Variants in PUM1 observed in about 807,000 individuals in gnomAD.
The protein encoded by PUM1 is pumilio homolog 1.
In PUM1, 13 loss-of-function variants were observed where a neutral mutation model predicts 131.8. The observed-to-expected ratio is 0.10, with a 90% CI of 0.06 to 0.16. The LOEUF (loss-of-function observed/expected upper bound fraction) is 0.16. PUM1 is among the 10% of genes least tolerant of loss of function. The probability of loss-of-function intolerance (pLI) is 1.00; values close to 1 mark genes in which losing one functional copy is unlikely to be tolerated. For synonymous variants in PUM1, 509 were observed against 556.5 expected (o/e 0.91, Z 1.20); for missense variants, 961 against 1,512.4 (o/e 0.64, Z 6.05).
In PUM1 at chr1:31,061,137, A is replaced by T. The variant is rs533326495; in HGVS notation, c.-11-1560T>A. 7.5e-4 allele frequency among the ~76,000 whole-genome samples: 114 copies of T among 152,172 alleles called. No homozygotes were observed. The Middle Eastern group carries it at 0.01, about 14-fold the overall frequency. ...CTATAAACAGGATGAGACCAAACCA[A>T]ATTTAAACACTTCATATTAGTGTAG... On this transcript the variant is annotated intron_variant, in intron 1 of 21. Transcript: ENST00000426105.
Position 31,056,374 on chromosome 1 carries a change from G to A in PUM1, c.363+2830C>T, listed in dbSNP as rs527567459. Among the ~76,000 whole-genome samples the A allele has an allele frequency of 7.1e-3, 1,074 of 151,740 alleles. 4 individuals carry two copies. The highest frequency in any genetic ancestry group is 0.017 in the Middle Eastern group (5 of 294). On this transcript the variant is annotated intron_variant, in intron 2 of 21. Transcript: ENST00000426105. Reference sequence around the variant, plus strand: ...CTGCTCACTGCAACCTCCACCTCCCGGGTTCAAGCGATTCTCCTGCCTCAG... The same window carrying A: ...CTGCTCACTGCAACCTCCACCTCCCAGGTTCAAGCGATTCTCCTGCCTCAG...
At chr1:31,059,005 T>G (rs1391500604) in intron 2 of PUM1, among the ~76,000 whole-genome samples, 199 bp downstream of exon 2, 3 of 151,916 alleles carry the variant, frequency 2.0e-5, no homozygotes, top group African/African-American at 4.8e-5. Context: ...ATGAATGAAT[T>G]GGCTATTTAC....
intron 2 of PUM1, among the ~76,000 whole-genome samples, chr1:31,058,863 A>G (rs979888068): frequency 2.7e-5 from 4 of 147,870 alleles, no homozygotes; most frequent in Middle Eastern, 3.7e-3. Flanking sequence ...CCAGCTACTC[A>G]GGAGGCTGAG....
At chr1:30,972,267 A>G (rs762438637) in intron 10 of PUM1, among the ~76,000 whole-genome samples, 11 of 4,918 alleles carry the variant, frequency 2.2e-3, no homozygotes, top group East Asian at 8.1e-3. Flanking sequence ...AGAAAAGAAA[A>G]GAAGGGAAGG....
chr1:30,985,495 A>G (rs1230176788), intron 7 of PUM1, among the ~76,000 whole-genome samples: 2 of 152,060 alleles, frequency 1.3e-5, no homozygotes, highest in Non-Finnish European at 2.9e-5. Context: ...TCTAATAAAA[A>G]TACAAAATTA....
chr1:30,955,074 AAAAC>A (rs764763790), intron 14 of PUM1, among the ~76,000 whole-genome samples: 81 of 152,022 alleles, frequency 5.3e-4, no homozygotes, highest in South Asian at 8.3e-4. Flanking sequence ...GTCTCCAAAA[AAAAC>A]AAACAAACAA....
intron 18 of PUM1, among the ~76,000 whole-genome samples, chr1:30,943,176 G>A (rs1324166158): frequency 6.6e-6 from 1 of 152,090 alleles, no homozygotes; most frequent in African/African-American, 2.4e-5. Flanking sequence ...GGAGCAACTT[G>A]ATTTATTTCA....
At chr1:30,956,045 T>C (rs1640151619) in intron 14 of PUM1, among the ~76,000 whole-genome samples, 1 of 152,192 alleles carries the variant, frequency 6.6e-6, no homozygotes, top group South Asian at 2.1e-4. Context: ...AAAATTGTCA[T>C]GGCCAGAATT....
At chr1:31,035,826 C>T (rs1316140942) in intron 2 of PUM1, among the ~76,000 whole-genome samples, 1 of 152,086 alleles carries the variant, frequency 6.6e-6, no homozygotes, top group East Asian at 1.9e-4. Context: ...ATCATTCTTT[C>T]CTAATTACTG....
At position 30,976,832 on chromosome 1, in the gene PUM1, TA is replaced by T. The variant is rs556880178; in HGVS notation, c.1355-2031del. Among the ~76,000 whole-genome samples, 693 of 140,658 alleles carry T rather than the reference TA, an allele frequency of 4.9e-3. 2 individuals are homozygous for T. The highest frequency in any genetic ancestry group is 7.3e-3 in the Middle Eastern group (2 of 274). 92.3% of individuals were successfully genotyped at this position (140,658 alleles called of 152,430 possible). ...GGCCTAAAAGCCATGTATTCAAGTT[TA>T]AAAAAAAAAAAAAGAGTGATAGAGC... is the stretch of plus-strand genomic sequence containing the variant. On this transcript the variant is annotated intron_variant, in intron 9 of 21. Transcript: ENST00000426105.
chr1:31,037,677 A>T (rs1305679546), intron 2 of PUM1, among the ~76,000 whole-genome samples: 1 of 152,098 alleles, frequency 6.6e-6, no homozygotes, highest in East Asian at 1.9e-4. Flanking sequence ...ACTGCACTCC[A>T]GCCCGGGCGA....
intron 10 of PUM1, among the ~76,000 whole-genome samples, chr1:30,971,686 A>G (rs1456185188): frequency 1.3e-5 from 2 of 152,178 alleles, no homozygotes; most frequent in Non-Finnish European, 2.9e-5. Flanking sequence ...TATTTCCTCA[A>G]TCGATTTCCT....
chr1:31,001,106 C>A (rs1409331733), intron 5 of PUM1, among the ~76,000 whole-genome samples: 1 of 152,160 alleles, frequency 6.6e-6, no homozygotes, highest in African/African-American at 2.4e-5. Flanking sequence ...ATGGCATGAA[C>A]CCGGGAGGCG....
intron 3 of PUM1, among the ~76,000 whole-genome samples, chr1:31,020,303 T>G (rs1412928097): frequency 6.6e-6 from 1 of 152,212 alleles, no homozygotes; most frequent in Non-Finnish European, 1.5e-5. Flanking sequence ...TCACTGTTGC[T>G]GGGCACCTAA....
chr1:30,965,856 G>A (rs1640599722), intron 13 of PUM1, 126 bp downstream of exon 13: 1 of 964,114 alleles, frequency 1.0e-6, no homozygotes, highest in African/African-American at 1.7e-5. Flanking sequence ...CAGATTATGT[G>A]GGATGGCTGG....
At chr1:30,989,648 A>G (rs1641708632) in intron 7 of PUM1, among the ~76,000 whole-genome samples, 1 of 150,842 alleles carries the variant, frequency 6.6e-6, no homozygotes, top group Admixed American at 6.6e-5. Context: ...ACCAGAGTAC[A>G]CTCTCCATAG....
chr1:30,944,020 CTTGAAAATATTCTCTCCTGGTGGATTTAT>C, intron 18 of PUM1, among the ~76,000 whole-genome samples: 1 of 152,166 alleles, frequency 6.6e-6, no homozygotes, highest in East Asian at 1.9e-4. Context: ...ACCGTCGCAT[CTTGAAAATATTCTCTCCTGGTGGATTTAT>C]CGTTTTATCT....
intron 1 of PUM1, among the ~76,000 whole-genome samples, chr1:31,063,017 CA>C (rs374933144): frequency 2.1e-4 from 32 of 152,270 alleles, no homozygotes; most frequent in Middle Eastern, 3.4e-3. Flanking sequence ...GCTCAAGTAC[CA>C]AAACCAAAAA....
At position 30,992,552 on chromosome 1, in the gene PUM1, CTTGGCACCA is replaced by C; in HGVS notation, c.987_995del (p.Asn329_Ala331del). 6.2e-7 allele frequency: 1 copy of C among 1,614,214 alleles called. No individual in the cohort carries two copies. Among genetic ancestry groups the C allele is most frequent in the Non-Finnish European group, 8.5e-7 (1 of 1,180,022 alleles). ...CCATGTTGGAGAAATCCTCCACAGG[CTTGGCACCA>C]TTGGTGCTGGTCAGCTGGGCTAAGC... is the stretch of plus-strand genomic sequence containing the variant. On this transcript the variant is annotated inframe_deletion, in exon 7 of 22. Transcript: ENST00000426105.
Sources: gnomAD v4.1 joint callset for allele counts (sites outside exome capture counted in the v4.1 genomes callset) on GRCh38, gnomAD v4.1.1 for gene constraint, MANE v1.5 for transcripts, NCBI Gene and HGNC (gene_info 2026-07-23, HGNC 2026-07-21) for gene names.